Variants in SUGCT observed in about 807,000 individuals in gnomAD.
SUGCT encodes the protein succinyl-CoA:glutarate-CoA transferase.
Under a neutral mutation model 55.0 loss-of-function variants are expected in SUGCT, and 41 were observed. The ratio of observed to expected loss-of-function variants is 0.74; its 90% CI spans 0.58 to 0.97. SUGCT has a LOEUF of 0.97. Ranked by LOEUF, SUGCT falls within the 50% of genes least tolerant of loss-of-function variation. The pLI is 0.00. For synonymous variants in SUGCT, 187 were observed against 200.4 expected, an observed-to-expected ratio of 0.93 and a Z score of 0.56; for missense variants, 568 against 547.8, an observed-to-expected ratio of 1.04 and a Z score of -0.37.
chr7:40,262,701 C>T (rs960215056), intron 7 of SUGCT, among the ~76,000 whole-genome samples: 2 of 152,030 alleles, frequency 1.3e-5, no homozygotes, highest in African/African-American at 2.4e-5. Flanking sequence ...TAGGGCCTAT[C>T]ATTTCTTGAC....
chr7:40,290,827 C>T (rs1326614014), intron 8 of SUGCT, among the ~76,000 whole-genome samples: 1 of 152,096 alleles, frequency 6.6e-6, no homozygotes, highest in Non-Finnish European at 1.5e-5. Context: ...CAGACAATCC[C>T]ATCAAAAAGT....
chr7:40,136,995 GC>G (rs1042169288), intron 1 of SUGCT, among the ~76,000 whole-genome samples: 3 of 151,294 alleles, frequency 2.0e-5, no homozygotes, highest in African/African-American at 4.9e-5. Flanking sequence ...ACCCTATCAT[GC>G]CCCCCCACCC....
At chr7:40,365,152 A>G (rs1374936905) in intron 9 of SUGCT, among the ~76,000 whole-genome samples, 1 of 152,218 alleles carries the variant, frequency 6.6e-6, no homozygotes, top group Non-Finnish European at 1.5e-5. Flanking sequence ...ACAGAACCAA[A>G]GACAAAAACC....
At chr7:40,861,088 C>T (rs1482432839), downstream of SUGCT, among the ~76,000 whole-genome samples, 4 of 152,094 alleles carry the variant, frequency 2.6e-5, no homozygotes, top group Non-Finnish European at 5.9e-5. Flanking sequence ...TAAATATTTG[C>T]TTTATGTTGT....
the SUGCT span, among the ~76,000 whole-genome samples, chr7:40,913,275 G>C: frequency 2.6e-5 from 4 of 152,136 alleles, no homozygotes; most frequent in East Asian, 7.7e-4. Context: ...TCAGGACATG[G>C]AGAAACGCCA....
At chr7:40,969,719 A>G in the SUGCT span, among the ~76,000 whole-genome samples, 1 of 152,108 alleles carries the variant, frequency 6.6e-6, no homozygotes, top group East Asian at 1.9e-4. Context: ...CCCACATCCT[A>G]TTGGGTCAGT....
chr7:40,452,729 T>G (rs555869454), intron 10 of SUGCT, among the ~76,000 whole-genome samples: 14 of 152,290 alleles, frequency 9.2e-5, no homozygotes, highest in African/African-American at 2.4e-4. Flanking sequence ...GTGAAGCACT[T>G]AGAATAGGCC....
At chr7:40,155,551 G>A (rs890098140) in intron 1 of SUGCT, among the ~76,000 whole-genome samples, 1 of 152,132 alleles carries the variant, frequency 6.6e-6, no homozygotes, top group African/African-American at 2.4e-5. Flanking sequence ...TCCTGGATAA[G>A]GCAGTGCTTT....
intron 9 of SUGCT, among the ~76,000 whole-genome samples, chr7:40,418,234 A>C (rs970875947): frequency 6.6e-6 from 1 of 152,200 alleles, no homozygotes; most frequent in African/African-American, 2.4e-5. Flanking sequence ...GTTTGATTGC[A>C]AGGAGTCCCT....
chr7:40,936,977 G>A, the SUGCT span, among the ~76,000 whole-genome samples: 1 of 151,882 alleles, frequency 6.6e-6, no homozygotes, highest in South Asian at 2.1e-4. Context: ...TGTATGATTT[G>A]AATTCTTTTA....
the SUGCT span, among the ~76,000 whole-genome samples, chr7:40,948,346 C>T: frequency 2.0e-5 from 3 of 152,264 alleles, no homozygotes; most frequent in South Asian, 6.2e-4. Context: ...CTTTCTGCAT[C>T]ATTCCATGAT....
Position 40,415,107 on chromosome 7 carries a change from T to TCTATCTATCTATCTAA in SUGCT, c.817-34172_817-34171insCTATCTAACTATCTAT, listed in dbSNP as rs1554334920. 1.6e-4 allele frequency among the ~76,000 whole-genome samples: 17 copies of TCTATCTATCTATCTAA among 108,010 alleles called. 1 individual carries two copies. Among genetic ancestry groups the TCTATCTATCTATCTAA allele is most frequent in the South Asian group, 7.1e-4 (2 of 2,816 alleles). The allele number at this position is 108,010 out of a possible 152,430, so 70.9% of individuals were successfully genotyped here. On this transcript the variant is annotated intron_variant, in intron 9 of 13. Coordinates refer to ENST00000335693, the MANE Select transcript of SUGCT (RefSeq NM_001193313.2). ...ATCTATCTATCTATCTATCTATCTA[T>TCTATCTATCTATCTAA]CTATCTATATAAAATTAGCGGGGCG...
chr7:40,343,891 C>T (rs1584731810), intron 9 of SUGCT, among the ~76,000 whole-genome samples: 1 of 152,214 alleles, frequency 6.6e-6, no homozygotes, highest in African/African-American at 2.4e-5. Flanking sequence ...CTCCTGACCT[C>T]GTGATCTGCC....
At chr7:40,721,950 C>T (rs534490390) in intron 12 of SUGCT, among the ~76,000 whole-genome samples, 67 of 152,288 alleles carry the variant, frequency 4.4e-4, no homozygotes, top group Non-Finnish European at 9.1e-4. Context: ...TTTCGTATTG[C>T]ATCCATATAT....
the SUGCT span, among the ~76,000 whole-genome samples, chr7:40,920,002 A>G: frequency 6.6e-6 from 1 of 150,916 alleles, no homozygotes; most frequent in Non-Finnish European, 1.5e-5. Flanking sequence ...CATAGTTTTT[A>G]TCATGGTGTT....
intron 12 of SUGCT, among the ~76,000 whole-genome samples, chr7:40,739,441 T>G (rs1473768878): frequency 6.6e-6 from 1 of 152,244 alleles, no homozygotes; most frequent in Non-Finnish European, 1.5e-5. Flanking sequence ...TCCTTTTCAT[T>G]GCTAAGGAGT....
the SUGCT span, among the ~76,000 whole-genome samples, chr7:40,875,112 CAT>C: frequency 3.2e-3 from 491 of 152,296 alleles, 2 homozygotes; most frequent in East Asian, 0.017. Flanking sequence ...TTACTGCGCA[CAT>C]GTTTTCTTCT....
intron 13 of SUGCT, among the ~76,000 whole-genome samples, chr7:40,780,656 G>T (rs1789690417): frequency 6.6e-6 from 1 of 151,798 alleles, no homozygotes; most frequent in Admixed American, 6.6e-5. Context: ...TAATTTATCA[G>T]GCATTTCTTA....
At chr7:40,405,611 A>G (rs1786317283) in intron 9 of SUGCT, among the ~76,000 whole-genome samples, 1 of 152,094 alleles carries the variant, frequency 6.6e-6, no homozygotes, top group African/African-American at 2.4e-5. Flanking sequence ...GGTGTTCAAG[A>G]CCAGCCTGGC....
Sources: gnomAD v4.1 joint callset for allele counts (sites outside exome capture counted in the v4.1 genomes callset) on GRCh38, gnomAD v4.1.1 for gene constraint, MANE v1.5 for transcripts, NCBI Gene and HGNC (gene_info 2026-07-23, HGNC 2026-07-21) for gene names.